ARSB: variants seen among roughly 807,000 people sequenced by gnomAD.
ARSB encodes arylsulfatase B, also known as N-acetylgalactosamine-4-sulfatase.
A neutral mutation model predicts 50.9 loss-of-function variants in ARSB; 41 were observed. That is an observed-to-expected ratio of 0.81 (90% CI 0.63 to 1.04). The LOEUF is 1.04. ARSB is among the 50% of genes least tolerant of loss of function. ARSB has a pLI of 0.00. For missense variants in ARSB, 672 were observed against 693.3 expected (o/e 0.97, Z 0.35); for synonymous variants, 269 against 284.8 (o/e 0.94, Z 0.56).
chr5:78,867,710 G>GA (rs1235069241), intron 5 of ARSB, among the ~76,000 whole-genome samples: 1 of 152,088 alleles, frequency 6.6e-6, no homozygotes, highest in Admixed American at 6.5e-5. Flanking sequence ...CAAAGGTGGG[G>GA]AAAAAACAGA....
chr5:78,818,805 A>G (rs1269010865), intron 6 of ARSB, among the ~76,000 whole-genome samples: 1 of 151,442 alleles, frequency 6.6e-6, no homozygotes, highest in Non-Finnish European at 1.5e-5. Context: ...GTCTTGCTTG[A>G]TCTCCTATCA....
rs1255777033 is a variant in ARSB at position 78,969,027 on chromosome 5, G to A, written c.478C>T (p.Arg160Ter). Residue 160 changes from arginine (R) to a stop codon, truncating the protein, a stop_gained, in exon 2 of 8, where the codon CGA (arginine) becomes TGA (stop). Transcript: ENST00000264914. LOFTEE classifies it high-confidence loss of function. ...MYRKECLPTR[R>*]GFDTYFGYLL... The stretch of plus-strand genomic sequence containing the variant: ...TTACCAAAGTAGGTATCAAATCCTC[G>A]GCGGGTTGGAAGGCATTCTTTCCGG... 28 of 1,613,994 alleles carry A rather than the reference G, an allele frequency of 1.7e-5. No homozygotes were observed. Among genetic ancestry groups the A allele is most frequent in the Non-Finnish European group, 2.3e-5 (27 of 1,180,014 alleles).
intron 1 of ARSB, among the ~76,000 whole-genome samples, chr5:78,978,134 T>C (rs573654349): frequency 2.6e-5 from 4 of 151,608 alleles, no homozygotes; most frequent in Admixed American, 6.6e-5. Context: ...AGGTCAGGAG[T>C]TCAAGACCAG....
At chr5:78,787,125 T>TCTAC (rs957262776) in intron 6 of ARSB, among the ~76,000 whole-genome samples, 7 of 151,470 alleles carry the variant, frequency 4.6e-5, no homozygotes, top group African/African-American at 1.7e-4. Context: ...TATCTATCTA[T>TCTAC]CTATCTATCT....
intron 5 of ARSB, among the ~76,000 whole-genome samples, chr5:78,874,652 A>G (rs1210022565): frequency 6.6e-6 from 1 of 152,094 alleles, no homozygotes; most frequent in Admixed American, 6.5e-5. Flanking sequence ...GAATAGAAAT[A>G]AAAATATTTA....
rs1315861475 is a variant in ARSB at position 78,984,930 on chromosome 5, C to T, written c.312+7G>A. ...GGGGCGGCGCGGGCGGCGGGGGCGC[C>T]GCGTACCTGGTAGCGGCCAGTGAGC... On this transcript the variant is annotated splice_region_variant and intron_variant, in intron 1 of 7. Transcript: ENST00000264914. 3.4e-5 allele frequency: 46 copies of T among 1,363,130 alleles called. No homozygotes were observed. Among genetic ancestry groups the T allele is most frequent in the Non-Finnish European group, 4.2e-5 (44 of 1,057,622 alleles). The allele number at this position is 1,363,130 out of a possible 1,614,324, so 84.4% of individuals were successfully genotyped here.
chr5:78,917,266 T>C (rs143183191), intron 4 of ARSB, among the ~76,000 whole-genome samples: 66 of 152,306 alleles, frequency 4.3e-4, no homozygotes, highest in African/African-American at 1.5e-3. Flanking sequence ...ATTCCTATAG[T>C]TGTCTGTTGT....
chr5:78,808,693 A>G (rs1292917623), intron 6 of ARSB, among the ~76,000 whole-genome samples: 1 of 152,214 alleles, frequency 6.6e-6, no homozygotes, highest in African/African-American at 2.4e-5. Flanking sequence ...AGCCACAGGC[A>G]GCTTCAGAAG....
chr5:78,923,648 T>A (rs1383618712), intron 4 of ARSB, among the ~76,000 whole-genome samples: 1 of 152,226 alleles, frequency 6.6e-6, no homozygotes, highest in Non-Finnish European at 1.5e-5. Flanking sequence ...CCTCACATTC[T>A]GGAAAAGACT....
In ARSB at chr5:78,962,601, C is replaced by A. The variant is rs567850486; in HGVS notation, c.690+1815G>T. 1.9e-4 allele frequency among the ~76,000 whole-genome samples: 28 copies of A among 145,990 alleles called. No individual in the cohort carries two copies. The East Asian group carries it at 5.5e-3, about 29-fold the overall frequency. ...GGAGTGTAGTGGTGCGATCTCGGCT[C>A]ACTGCAAGCTCCGCCTCCCGGGTTC... On this transcript the variant is annotated intron_variant, in intron 3 of 7. Transcript: ENST00000264914.
At chr5:78,845,414 A>T (rs1745401810) in intron 5 of ARSB, among the ~76,000 whole-genome samples, 1 of 152,116 alleles carries the variant, frequency 6.6e-6, no homozygotes, top group Admixed American at 6.6e-5. Flanking sequence ...TTGCTGGATC[A>T]TATGGTAGTT....
At chr5:78,942,511 T>A (rs1750988818) in intron 4 of ARSB, among the ~76,000 whole-genome samples, 1 of 152,212 alleles carries the variant, frequency 6.6e-6, no homozygotes, top group Non-Finnish European at 1.5e-5. Flanking sequence ...TCAAAGAACA[T>A]CTTTATTTCT....
At chr5:78,883,280 G>C (rs1257425981) in intron 5 of ARSB, 1 of 152,204 alleles carries the variant, frequency 6.6e-6, no homozygotes, top group Non-Finnish European at 1.5e-5. Flanking sequence ...TTTCTGGTGA[G>C]AGAAAAGGTT....
At chr5:78,897,811 C>A (rs1748634767) in intron 4 of ARSB, among the ~76,000 whole-genome samples, 2 of 151,706 alleles carry the variant, frequency 1.3e-5, no homozygotes, top group African/African-American at 4.8e-5. Flanking sequence ...TTACTATATT[C>A]AAAAATGCAC....
intron 6 of ARSB, among the ~76,000 whole-genome samples, chr5:78,830,228 T>C (rs1018726290): frequency 2.0e-5 from 3 of 152,092 alleles, no homozygotes; most frequent in African/African-American, 7.2e-5. Context: ...GGCATCAAAG[T>C]AACCCTGGGG....
intron 2 of ARSB, among the ~76,000 whole-genome samples, chr5:78,965,533 C>G (rs1752167049): frequency 6.6e-6 from 1 of 151,968 alleles, no homozygotes; most frequent in South Asian, 2.1e-4. Context: ...TAAAAATGTT[C>G]TACAATTGGA....
rs866365958 is a variant in ARSB, at chr5:78,964,701, C to T, written c.500-95G>A. On this transcript the variant is annotated intron_variant, in intron 2 of 7. Coordinates refer to ENST00000264914, the MANE Select transcript of ARSB (RefSeq NM_000046.5). ...TTAATTGCCTAATGCAATTGATTAC[C>T]CGTGACGAGGCTAATCAAATGACAA... 11 of 1,169,748 alleles carry T rather than the reference C, an allele frequency of 9.4e-6. No individual in the cohort carries two copies. In the South Asian group the frequency reaches 1.4e-4, roughly 15 times the overall value. 72.5% of individuals were successfully genotyped at this position (1,169,748 alleles called of 1,614,324 possible).
At chr5:78,813,865 G>T (rs1255622552) in intron 6 of ARSB, among the ~76,000 whole-genome samples, 1 of 152,256 alleles carries the variant, frequency 6.6e-6, no homozygotes, top group East Asian at 1.9e-4. Context: ...AAAAGAGAGG[G>T]TCATCTTCAT....
chr5:78,956,625 AAAT>A (rs1051157528), intron 3 of ARSB, among the ~76,000 whole-genome samples: 6 of 152,234 alleles, frequency 3.9e-5, no homozygotes, highest in Non-Finnish European at 8.8e-5. Context: ...TAATCCAAAC[AAAT>A]AATAATATCA....
Sources: allele counts gnomAD v4.1 joint callset (sites outside exome capture counted in the v4.1 genomes callset), GRCh38; gene constraint gnomAD v4.1.1; transcripts MANE v1.5; gene names NCBI Gene and HGNC (gene_info 2026-07-23, HGNC 2026-07-21).